The following LCA5 variants were observed in gnomAD, a reference collection of about 807,000 sequenced individuals.
The protein encoded by LCA5 is lebercilin.
Under a neutral mutation model 53.0 loss-of-function variants are expected in LCA5, and 37 were observed. The ratio of observed to expected loss-of-function variants is 0.70; its 90% CI spans 0.54 to 0.92. The LOEUF is 0.92. Ranked by LOEUF, LCA5 falls within the 40% of genes least tolerant of loss-of-function variation. The pLI, the probability that LCA5 is intolerant of heterozygous loss-of-function variation, is 0.00. For synonymous variants in LCA5, 303 were observed against 282.9 expected (o/e 1.07, Z -0.71); for missense variants, 806 against 790.5 (o/e 1.02, Z -0.23).
intron 1 of LCA5, among the ~76,000 whole-genome samples, chr6:79,528,653 G>T (rs539554336): frequency 6.6e-6 from 1 of 152,192 alleles, no homozygotes; most frequent in East Asian, 1.9e-4. Context: ...ATACTTGCTA[G>T]GTTTACGTCA....
chr6:79,488,137 C>G (rs1312883316), intron 7 of LCA5: 1 of 401,370 alleles, frequency 2.5e-6, no homozygotes, highest in Non-Finnish European at 4.4e-6. Context: ...TTTTTTATAA[C>G]TAATATAATG....
At chr6:79,522,299 C>A (rs996753908) in intron 1 of LCA5, among the ~76,000 whole-genome samples, 2 of 152,110 alleles carry the variant, frequency 1.3e-5, no homozygotes, top group South Asian at 4.2e-4. Context: ...ATATAATGAT[C>A]ATAAATGGCT....
chr6:79,516,534 T>G (rs1386659182), intron 2 of LCA5, among the ~76,000 whole-genome samples: 1 of 151,982 alleles, frequency 6.6e-6, no homozygotes, highest in African/African-American at 2.4e-5. Flanking sequence ...TAACCAACTT[T>G]CTGACATCCT....
rs1325509850 is a variant in LCA5, at chr6:79,493,756, T to C, written c.721-6A>G. ...TCAAGGTTTTTCGATAGCTCCTATA[T>C]GTATAAATACATAAAAAGCAGTCCT... is the stretch of plus-strand genomic sequence containing the variant. On this transcript the variant is annotated splice_region_variant and splice_polypyrimidine_tract_variant and intron_variant, in intron 3 of 7. Coordinates refer to ENST00000369846, the MANE Select transcript of LCA5 (RefSeq NM_001122769.3). 4 of 1,606,158 alleles carry C rather than the reference T, an allele frequency of 2.5e-6. No individual in the cohort carries two copies. The highest frequency in any genetic ancestry group is 1.3e-5 in the African/African-American group (1 of 74,552).
At chr6:79,490,612 T>G (rs1192920812) in intron 6 of LCA5, among the ~76,000 whole-genome samples, 2 of 152,140 alleles carry the variant, frequency 1.3e-5, no homozygotes, top group Non-Finnish European at 2.9e-5. Flanking sequence ...CTAGTCTCAA[T>G]GACAGCACAA....
At position 79,491,603 on chromosome 6, in the gene LCA5, T is replaced by C. The variant is rs367733392; in HGVS notation, c.1083A>G (p.Pro361=). The stretch of plus-strand genomic sequence containing the variant: ...CTAAACTCACCAAAGTAAGATGTCC[T>C]GGTTCTTCCCATTTGTTTTCGTAAC... ...IMCYENKWEE[P]GHLTLDLQSQ... The change falls in exon 6 of 8, where the codon CCA becomes CCG. Residue 361 remains proline (P), a synonymous_variant. Transcript: ENST00000369846. 245 of 1,612,934 alleles carry C rather than the reference T, an allele frequency of 1.5e-4. 1 individual carries two copies. The highest frequency in any genetic ancestry group is 9.9e-5 in the Non-Finnish European group (117 of 1,179,154).
chr6:79,531,299 A>T (rs1466998401), intron 1 of LCA5, among the ~76,000 whole-genome samples: 2 of 152,118 alleles, frequency 1.3e-5, no homozygotes, highest in Admixed American at 6.5e-5. Flanking sequence ...CCTTTTACTC[A>T]TCTTCTTTCC....
chr6:79,537,656 C>T (rs866426033), upstream of LCA5, among the ~76,000 whole-genome samples: 1 of 152,182 alleles, frequency 6.6e-6, no homozygotes, highest in Admixed American at 6.5e-5. Context: ...CTGTGCGGTG[C>T]CAGGGCTCGA....
At chr6:79,498,656 G>A (rs891290037) in intron 3 of LCA5, among the ~76,000 whole-genome samples, 5 of 151,962 alleles carry the variant, frequency 3.3e-5, no homozygotes, top group Non-Finnish European at 7.4e-5. Context: ...ATGAACAATG[G>A]TGACATGCAA....
chr6:79,494,339 AAC>A (rs1291483803), intron 3 of LCA5, among the ~76,000 whole-genome samples: 1 of 152,174 alleles, frequency 6.6e-6, no homozygotes, highest in African/African-American at 2.4e-5. Flanking sequence ...CCTAGAGTAA[AAC>A]ATCTCTAGAT....
At chr6:79,505,601 G>T (rs182079497) in intron 3 of LCA5, among the ~76,000 whole-genome samples, 1 of 152,124 alleles carries the variant, frequency 6.6e-6, no homozygotes, top group Admixed American at 6.6e-5. Context: ...CAACCTGGAG[G>T]TAAGGAGAAC....
Position 79,491,724 on chromosome 6 carries a change from C to A in LCA5, c.962G>T (p.Cys321Phe). The change falls in exon 6 of 8, where the codon TGC becomes TTC. Residue 321 changes from cysteine (C) to phenylalanine (F), a missense_variant. Transcript: ENST00000369846. ...ACACAGGTCTGCAAAATCACTCTGG[C>A]ATGCAGCTACAGTGAAAATTATTTT... Reference protein sequence around the residue: ...KELALRKNAACQSDFADLCTK... With the variant: ...KELALRKNAAFQSDFADLCTK... 7.4e-6 allele frequency: 12 copies of A among 1,612,498 alleles called. No individual in the cohort carries two copies. The highest frequency in any genetic ancestry group is 1.0e-5 in the Non-Finnish European group (12 of 1,178,960).
chr6:79,513,074 T>A, intron 3 of LCA5, 138 bp downstream of exon 3: 1 of 817,988 alleles, frequency 1.2e-6, no homozygotes, highest in Non-Finnish European at 2.0e-6. Context: ...AAAATCCAAA[T>A]TTTCCCAAAA....
At position 79,487,157 on chromosome 6, in the gene LCA5, T is replaced by G. The variant is rs1769685448; in HGVS notation, c.1941A>C (p.Arg647Ser). ...LNFLPGNKGSRDQEHDEDEGF... is the reference protein window; with the variant it reads ...LNFLPGNKGSSDQEHDEDEGF... ...CTTCATCTTCATCATGTTCTTGATCTCTGCTGCCTTTATTCCCAGGGAGAA... is the reference window on the plus strand; with the variant it reads ...CTTCATCTTCATCATGTTCTTGATCGCTGCTGCCTTTATTCCCAGGGAGAA... Residue 647 changes from arginine (R) to serine (S), a missense_variant, in exon 8 of 8, where the codon AGA (arginine) becomes AGC (serine). Physicochemically the swap from Arg to Ser is moderately radical, Grantham distance 110. Coordinates refer to ENST00000369846, the MANE Select transcript of LCA5 (RefSeq NM_001122769.3). The G allele has an allele frequency of 1.9e-6, 3 of 1,614,070 alleles. No individual in the cohort carries two copies. The highest frequency in any genetic ancestry group is 2.5e-6 in the Non-Finnish European group (3 of 1,179,928).
At chr6:79,496,421 A>C (rs1769986125) in intron 3 of LCA5, among the ~76,000 whole-genome samples, 1 of 152,228 alleles carries the variant, frequency 6.6e-6, no homozygotes, top group Non-Finnish European at 1.5e-5. Context: ...AAACAATCCA[A>C]ATGTCCATCA....
chr6:79,536,604 C>T (rs1767131772), intron 1 of LCA5, among the ~76,000 whole-genome samples: 1 of 152,200 alleles, frequency 6.6e-6, no homozygotes, highest in African/African-American at 2.4e-5. Flanking sequence ...CTTTACTCCT[C>T]TCATCCCATC....
intron 3 of LCA5, among the ~76,000 whole-genome samples, chr6:79,512,285 T>C (rs1405984615): frequency 6.6e-6 from 1 of 152,012 alleles, no homozygotes; most frequent in Non-Finnish European, 1.5e-5. Flanking sequence ...ATATCTTCTG[T>C]GCACTGAAAC....
chr6:79,503,978 T>C (rs1770210921), intron 3 of LCA5, among the ~76,000 whole-genome samples: 1 of 152,198 alleles, frequency 6.6e-6, no homozygotes, highest in South Asian at 2.1e-4. Context: ...TGTTTCTATA[T>C]TAAAGATGCT....
chr6:79,514,247 A>T (rs2575218), intron 2 of LCA5, among the ~76,000 whole-genome samples: 68,911 of 151,994 alleles, frequency 0.45, 16,580 homozygotes, highest in East Asian at 0.81. Context: ...GTTGGCCATA[A>T]GTATGTCTTC....
Sources: gnomAD v4.1 joint callset for allele counts (sites outside exome capture counted in the v4.1 genomes callset) on GRCh38, gnomAD v4.1.1 for gene constraint, MANE v1.5 for transcripts, NCBI Gene and HGNC (gene_info 2026-07-23, HGNC 2026-07-21) for gene names.